The following WWOX variants were observed in gnomAD, a reference collection of about 807,000 sequenced individuals.
WWOX encodes WW domain containing oxidoreductase.
A neutral mutation model predicts 46.2 loss-of-function variants in WWOX; 69 were observed. The observed-to-expected ratio is 1.49, with a 90% CI of 1.23 to 1.82. WWOX has a LOEUF of 1.82. Among genes scored for constraint, WWOX ranks in the 40% most tolerant of loss-of-function variants. The probability of loss-of-function intolerance (pLI) is 0.00; values close to 1 mark genes in which losing one functional copy is unlikely to be tolerated. For missense variants in WWOX, 919 were observed against 542.6 expected (o/e 1.69, Z -6.89); for synonymous variants, 359 against 202.6 (o/e 1.77, Z -6.56).
rs149556206 is a variant in WWOX, at chr16:78,409,071, C to G, written c.606-15799C>G. Among the ~76,000 whole-genome samples, 821 of 152,294 alleles carry G rather than the reference C, an allele frequency of 5.4e-3. 12 individuals carry two copies. The highest frequency in any genetic ancestry group is 0.019 in the South Asian group (94 of 4,824). Reference sequence around the variant, plus strand: ...ATAGCTCTTGAAGTCACTCCAAAAACAGATGAGTGAGACCCTGTTGCTAAA... The same window carrying G: ...ATAGCTCTTGAAGTCACTCCAAAAAGAGATGAGTGAGACCCTGTTGCTAAA... On this transcript the variant is annotated intron_variant, in intron 6 of 8. Coordinates refer to ENST00000566780, the MANE Select transcript of WWOX (RefSeq NM_016373.4).
intron 5 of WWOX, among the ~76,000 whole-genome samples, chr16:78,345,639 CAA>C (rs1193432164): frequency 0.031 from 771 of 25,014 alleles, 30 homozygotes; most frequent in African/African-American, 0.056. Flanking sequence ...GACCCTGTCT[CAA>C]AAAAAAAAAA....
chr16:78,884,622 C>T (rs577792919), intron 8 of WWOX, among the ~76,000 whole-genome samples: 36 of 152,296 alleles, frequency 2.4e-4, no homozygotes, highest in African/African-American at 8.7e-4. Flanking sequence ...ATTATAGTTA[C>T]AATGAGTTGA....
intron 8 of WWOX, among the ~76,000 whole-genome samples, chr16:78,745,767 C>A (rs1410827256): frequency 1.3e-5 from 2 of 149,014 alleles, no homozygotes; most frequent in East Asian, 3.9e-4. Flanking sequence ...TCCTCTTTTT[C>A]CCCCCCCTTC....
chr16:78,777,412 T>C (rs1191238358), intron 8 of WWOX, among the ~76,000 whole-genome samples: 1 of 152,210 alleles, frequency 6.6e-6, no homozygotes, highest in Non-Finnish European at 1.5e-5. Flanking sequence ...TAATTTTTTG[T>C]AATTTAAATA....
intron 6 of WWOX, among the ~76,000 whole-genome samples, chr16:78,397,148 G>A (rs1238664318): frequency 6.6e-6 from 1 of 152,208 alleles, no homozygotes; most frequent in African/African-American, 2.4e-5. Flanking sequence ...GAGAGAAGAG[G>A]AAAGAGTTTA....
At chr16:79,191,772 C>T (rs1282733221) in intron 8 of WWOX, among the ~76,000 whole-genome samples, 1 of 152,168 alleles carries the variant, frequency 6.6e-6, no homozygotes, top group Non-Finnish European at 1.5e-5. Context: ...GGAGATGTGA[C>T]TGGAAAATCC....
intron 8 of WWOX, among the ~76,000 whole-genome samples, chr16:78,790,233 C>T (rs147678737): frequency 1.8e-4 from 27 of 152,206 alleles, no homozygotes; most frequent in East Asian, 5.8e-4. Flanking sequence ...TTCCTGGGTT[C>T]AGGTGATTGT....
At chr16:78,223,736 A>G (rs1043677619) in intron 5 of WWOX, among the ~76,000 whole-genome samples, 2 of 151,982 alleles carry the variant, frequency 1.3e-5, no homozygotes, top group Admixed American at 6.6e-5. Flanking sequence ...GTTGGAGCCC[A>G]GCTGAGTGGC....
At chr16:78,351,968 T>G (rs1486060513) in intron 5 of WWOX, among the ~76,000 whole-genome samples, 1 of 152,160 alleles carries the variant, frequency 6.6e-6, no homozygotes, top group East Asian at 1.9e-4. Context: ...TATGTTTGTT[T>G]TTCTTCAAAC....
chr16:78,674,060 C>G (rs929442220), intron 8 of WWOX, among the ~76,000 whole-genome samples: 4 of 152,018 alleles, frequency 2.6e-5, no homozygotes, highest in African/African-American at 7.2e-5. Context: ...TGGGAACCGA[C>G]TCAAAGAGAA....
chr16:78,786,602 A>C (rs1434457011), intron 8 of WWOX, among the ~76,000 whole-genome samples: 1 of 152,126 alleles, frequency 6.6e-6, no homozygotes, highest in Non-Finnish European at 1.5e-5. Context: ...GTAACATTCA[A>C]CTTTTTTTAG....
At chr16:78,986,008 C>G (rs1209644458) in intron 8 of WWOX, among the ~76,000 whole-genome samples, 1 of 152,192 alleles carries the variant, frequency 6.6e-6, no homozygotes, top group South Asian at 2.1e-4. Flanking sequence ...TCCAATTTTC[C>G]TTGAGGAGGG....
chr16:78,917,666 C>G (rs971330662), intron 8 of WWOX, among the ~76,000 whole-genome samples: 2 of 152,080 alleles, frequency 1.3e-5, no homozygotes, highest in African/African-American at 2.4e-5. Flanking sequence ...TTTAATATCT[C>G]TTGCTTTCCT....
intron 6 of WWOX, among the ~76,000 whole-genome samples, chr16:78,391,230 TCC>T (rs1567544600): frequency 2.9e-4 from 44 of 152,230 alleles, no homozygotes; most frequent in African/African-American, 1.0e-3. Flanking sequence ...GAGGGAGCCC[TCC>T]TAACCATGAT....
chr16:78,150,815 A>G (rs1284091880), intron 4 of WWOX, among the ~76,000 whole-genome samples: 3 of 152,142 alleles, frequency 2.0e-5, no homozygotes, highest in African/African-American at 7.2e-5. Flanking sequence ...AATTATTCAC[A>G]ACTCTCTAAT....
chr16:78,194,614 T>G (rs576705547), intron 5 of WWOX, among the ~76,000 whole-genome samples: 2 of 150,990 alleles, frequency 1.3e-5, no homozygotes, highest in African/African-American at 4.9e-5. Context: ...AAGATTTATG[T>G]CAAGAATTCA....
intron 8 of WWOX, among the ~76,000 whole-genome samples, chr16:78,960,741 C>G (rs139661414): frequency 6.6e-6 from 1 of 152,294 alleles, no homozygotes; most frequent in African/African-American, 2.4e-5. Flanking sequence ...AGCACTTGTT[C>G]CAAAAGGAGC....
intron 5 of WWOX, among the ~76,000 whole-genome samples, chr16:78,320,559 G>C (rs1204512880): frequency 6.6e-6 from 1 of 152,186 alleles, no homozygotes; most frequent in Non-Finnish European, 1.5e-5. Flanking sequence ...CTAATTATCT[G>C]GAGAAGGTAT....
chr16:78,742,670 T>C (rs1342264477), intron 8 of WWOX, among the ~76,000 whole-genome samples: 1 of 152,178 alleles, frequency 6.6e-6, no homozygotes, highest in Non-Finnish European at 1.5e-5. Context: ...TGTTTATGTC[T>C]GCGGAGTCAG....
Sources: gnomAD v4.1 joint callset for allele counts (sites outside exome capture counted in the v4.1 genomes callset) on GRCh38, gnomAD v4.1.1 for gene constraint, MANE v1.5 for transcripts, NCBI Gene and HGNC (gene_info 2026-07-23, HGNC 2026-07-21) for gene names.